DLGAP4: variants seen among roughly 807,000 people sequenced by gnomAD.
The protein encoded by DLGAP4 is DLG associated protein 4, also known as disks large-associated protein 4.
In DLGAP4, 18 loss-of-function variants were observed where a neutral mutation model predicts 86.9. That is an observed-to-expected ratio of 0.21 (90% CI 0.14 to 0.31). The LOEUF (loss-of-function observed/expected upper bound fraction) is 0.31, where lower values mean the gene tolerates loss of function less well. DLGAP4 is among the 10% of genes least tolerant of loss of function. The pLI is 1.00. For synonymous variants in DLGAP4, 548 were observed against 574.3 expected (o/e 0.95, Z 0.65); for missense variants, 1,085 against 1,362.6 (o/e 0.80, Z 3.21).
chr20:36,348,980 G>C (rs545806170), intron 1 of DLGAP4, among the ~76,000 whole-genome samples: 1 of 151,462 alleles, frequency 6.6e-6, no homozygotes, highest in African/African-American at 2.4e-5. Context: ...GTGTGCGCCT[G>C]TAATCCCAGC....
chr20:36,460,665 G>T (rs1200421564), intron 7 of DLGAP4, among the ~76,000 whole-genome samples: 1 of 152,228 alleles, frequency 6.6e-6, no homozygotes, highest in Admixed American at 6.5e-5. Context: ...GGCCCACAAG[G>T]CAGCGACAGG....
chr20:36,387,509 A>G (rs963978391), intron 2 of DLGAP4, among the ~76,000 whole-genome samples: 7 of 152,078 alleles, frequency 4.6e-5, no homozygotes, highest in Admixed American at 2.0e-4. Flanking sequence ...GGGGGTAGTA[A>G]AATTTATTTT....
intron 2 of DLGAP4, among the ~76,000 whole-genome samples, chr20:36,402,842 C>A (rs567121658): frequency 6.6e-6 from 1 of 152,286 alleles, no homozygotes; most frequent in South Asian, 2.1e-4. Flanking sequence ...AGAGGGGAAG[C>A]AACATACTCA....
chr20:36,464,019 G>A (rs914632997), intron 7 of DLGAP4, among the ~76,000 whole-genome samples: 2 of 152,216 alleles, frequency 1.3e-5, no homozygotes, highest in African/African-American at 2.4e-5. Context: ...TGCCCCTGGT[G>A]TATAATGACA....
At chr20:36,450,562 C>T (rs2033711284) in intron 7 of DLGAP4, among the ~76,000 whole-genome samples, 2 of 152,124 alleles carry the variant, frequency 1.3e-5, no homozygotes, top group African/African-American at 4.8e-5. Flanking sequence ...GCTGTATTTA[C>T]TCATGCCCTT....
intron 11 of DLGAP4, 61 bp from the exon 12 acceptor site, chr20:36,525,790 T>G (rs1600727536): frequency 6.3e-7 from 1 of 1,591,994 alleles, no homozygotes; most frequent in African/African-American, 1.4e-5. Flanking sequence ...TGTTGGGGGG[T>G]TGGGGGGAGC....
chr20:36,495,867 G>GTGTT (rs751146631), intron 7 of DLGAP4, among the ~76,000 whole-genome samples: 479 of 152,140 alleles, frequency 3.1e-3, no homozygotes, highest in African/African-American at 8.9e-3. Flanking sequence ...GTTTGTTCAT[G>GTGTT]TGTTTGTTTG....
At chr20:36,375,083 G>T (rs1259166885) in intron 2 of DLGAP4, among the ~76,000 whole-genome samples, 1 of 152,220 alleles carries the variant, frequency 6.6e-6, no homozygotes, top group Non-Finnish European at 1.5e-5. Flanking sequence ...GGAAACTGAG[G>T]CTCAGAGAGG....
Position 36,523,453 on chromosome 20 carries a change from G to A in DLGAP4, c.2513-797G>A, listed in dbSNP as rs1261619601. Among the ~76,000 whole-genome samples the A allele has an allele frequency of 2.0e-5, 3 of 152,182 alleles. No homozygotes were observed. In the East Asian group the frequency reaches 5.8e-4, roughly 29 times the overall value. ...TTCTACATTTATGTTAGTGAAAGTG[G>A]TCCATTCTTGGCATGTCCTATCTGC... On this transcript the variant is annotated intron_variant, in intron 10 of 12. Transcript: ENST00000339266.
intron 7 of DLGAP4, among the ~76,000 whole-genome samples, chr20:36,471,179 G>C (rs1224655523): frequency 1.3e-5 from 2 of 152,192 alleles, no homozygotes; most frequent in African/African-American, 2.4e-5. Flanking sequence ...GGTGAAGCCA[G>C]TGAGCTCATT....
chr20:36,451,748 T>C (rs2033741151), intron 7 of DLGAP4, among the ~76,000 whole-genome samples: 1 of 151,668 alleles, frequency 6.6e-6, no homozygotes, highest in Non-Finnish European at 1.5e-5. Flanking sequence ...CTTGGTTTCA[T>C]CTTTGCCCTG....
At chr20:36,313,680 T>C (rs1274297751) in intron 1 of DLGAP4, among the ~76,000 whole-genome samples, 1 of 151,676 alleles carries the variant, frequency 6.6e-6, no homozygotes, top group Non-Finnish European at 1.5e-5. Context: ...GTGTTTTCCA[T>C]GGGCACACCC....
chr20:36,318,508 G>A (rs1324545212), intron 1 of DLGAP4, among the ~76,000 whole-genome samples: 1 of 152,162 alleles, frequency 6.6e-6, no homozygotes, highest in Non-Finnish European at 1.5e-5. Flanking sequence ...GAGTAGCTGG[G>A]ACTACAGGGG....
chr20:36,349,291 G>A (rs1016541732), intron 1 of DLGAP4, among the ~76,000 whole-genome samples: 6 of 151,412 alleles, frequency 4.0e-5, no homozygotes, highest in African/African-American at 1.5e-4. Context: ...GGTGGCAGGC[G>A]CCTGTAGTCC....
chr20:36,513,517 C>T (rs893259896), intron 10 of DLGAP4, among the ~76,000 whole-genome samples: 85 of 143,098 alleles, frequency 5.9e-4, no homozygotes, highest in East Asian at 4.9e-3. Flanking sequence ...CACTGCAGTC[C>T]GCAATCCGGC....
At chr20:36,344,258 A>C (rs1419753174) in intron 1 of DLGAP4, among the ~76,000 whole-genome samples, 2 of 152,194 alleles carry the variant, frequency 1.3e-5, no homozygotes, top group African/African-American at 4.8e-5. Context: ...TGAGTCTCAG[A>C]ATATTCATCT....
At position 36,431,874 on chromosome 20, in the gene DLGAP4, C is replaced by T. The variant is rs2033140082; in HGVS notation, c.157C>T (p.Pro53Ser). 4.3e-6 allele frequency: 7 copies of T among 1,614,112 alleles called. No individual in the cohort carries two copies. The highest frequency in any genetic ancestry group is 5.9e-6 in the Non-Finnish European group (7 of 1,179,986). The stretch of plus-strand genomic sequence containing the variant: ...CCGCTTCCCCGGGCAGAACACCCTG[C>T]CAGGAGATGGCCTCTTTCCCCTCAA... The part of the protein sequence containing the change: ...EARFPGQNTL[P>S]GDGLFPLNNQ... The change falls in exon 3 of 13, where the codon CCA becomes TCA. Residue 53 changes from proline (P) to serine (S), a missense_variant. Coordinates refer to ENST00000339266, the MANE Select transcript of DLGAP4 (RefSeq NM_001365621.2). The surrounding 1 kb of genome is among the most constrained non-coding windows in gnomAD (Gnocchi z 5.1).
At chr20:36,480,064 C>T (rs560823579) in intron 7 of DLGAP4, among the ~76,000 whole-genome samples, 11 of 152,212 alleles carry the variant, frequency 7.2e-5, no homozygotes, top group South Asian at 4.1e-4. Context: ...CAGGGCAAGC[C>T]GCATTATTCT....
intron 1 of DLGAP4, among the ~76,000 whole-genome samples, chr20:36,349,952 C>T (rs1380464769): frequency 6.6e-6 from 1 of 152,212 alleles, no homozygotes; most frequent in Non-Finnish European, 1.5e-5. Flanking sequence ...AACCCCTGCC[C>T]CGTGTTTCCG....
Sources: gnomAD v4.1 joint callset for allele counts (sites outside exome capture counted in the v4.1 genomes callset) on GRCh38, gnomAD v4.1.1 for gene constraint, Gnocchi (gnomAD v3.1) non-coding constraint, MANE v1.5 for transcripts, NCBI Gene and HGNC (gene_info 2026-07-23, HGNC 2026-07-21) for gene names.